Variants in RAB18 observed in about 807,000 individuals in gnomAD.
RAB18 encodes the protein RAB18, member RAS oncogene family.
In RAB18, 10 loss-of-function variants were observed where a neutral mutation model predicts 28.5. The observed-to-expected ratio is 0.35, with a 90% confidence interval of 0.22 to 0.60. The LOEUF (loss-of-function observed/expected upper bound fraction) is 0.60, where lower values mean the gene tolerates loss of function less well. Among genes scored for constraint, RAB18 ranks in the 20% least tolerant of loss-of-function variants. The pLI, the probability that RAB18 is intolerant of heterozygous loss-of-function variation, is 0.78. For synonymous variants in RAB18, 93 were observed against 86.9 expected (o/e 1.07, Z -0.39); for missense variants, 188 against 244.2 (o/e 0.77, Z 1.53).
rs56035542 is a variant in RAB18 at position 27,527,578 on chromosome 10, T to TTATATA, written c.186+697_186+702dup. ...TATCTGTCTATCTAAATATGATCGGTTATATATATATATGTATATTCTAAA... is the reference window on the plus strand; with the variant it reads ...TATCTGTCTATCTAAATATGATCGGTTATATATATATATATATATGTATATTCTAAA... On this transcript the variant is annotated intron_variant, in intron 3 of 6. Coordinates refer to ENST00000356940, the MANE Select transcript of RAB18 (RefSeq NM_021252.5). Among the ~76,000 whole-genome samples the TTATATA allele has an allele frequency of 5.4e-5, 8 of 148,956 alleles. No individual in the cohort carries two copies. The South Asian group carries it at 1.0e-3, about 19-fold the overall frequency.
rs569852030 is a variant in RAB18, at chr10:27,536,260, G to A, written c.446-1616G>A. On this transcript the variant is annotated intron_variant, in intron 6 of 6. Transcript: ENST00000356940. ...AGAATGAGACATTTTTCCGATAACC[G>A]GTGGACATGGTGGTCATTGGCATTT... 4.2e-4 allele frequency among the ~76,000 whole-genome samples: 64 copies of A among 152,260 alleles called. 1 individual carries two copies. The highest frequency in any genetic ancestry group is 1.3e-3 in the African/African-American group (55 of 41,562).
Position 27,540,561 on chromosome 10 carries a change from A to T in RAB18, c.*2510A>T, listed in dbSNP as rs1322482792. The T allele has an allele frequency of 6.6e-6, 3 of 454,006 alleles. No homozygotes were observed. Among genetic ancestry groups the T allele is most frequent in the Non-Finnish European group, 1.3e-5 (3 of 226,792 alleles). The allele number at this position is 454,006 out of a possible 1,614,324, so 28.1% of individuals were successfully genotyped here. A position where few individuals can be genotyped will look rare whatever the true frequency, so the allele number is the denominator to read the frequency against. On this transcript the variant is annotated 3_prime_UTR_variant, in exon 7 of 7. Transcript: ENST00000356940. ...ATGATGTAAACCTACCTCATAAGTC[A>T]TGTGACATAAAAGTTAAGGTAGTGG...
intron 6 of RAB18, among the ~76,000 whole-genome samples, chr10:27,536,060 C>A (rs541186964): frequency 4.9e-5 from 7 of 141,664 alleles, no homozygotes; most frequent in Non-Finnish European, 7.7e-5. Context: ...CCAGCCTGGG[C>A]GACAGAGCGA....
intron 2 of RAB18, chr10:27,510,405 G>T: frequency 5.6e-6 from 1 of 178,116 alleles, no homozygotes; most frequent in Admixed American, 5.5e-5. Context: ...CATATGTATT[G>T]ATACTAGTTA....
At chr10:27,536,015 G>A (rs955155262) in intron 6 of RAB18, among the ~76,000 whole-genome samples, 5 of 146,070 alleles carry the variant, frequency 3.4e-5, no homozygotes, top group South Asian at 2.1e-4. Context: ...CCTGGGAGGC[G>A]GAGCTTGCAG....
intron 2 of RAB18, among the ~76,000 whole-genome samples, chr10:27,523,334 C>T (rs1198472469): frequency 7.0e-5 from 4 of 57,180 alleles, no homozygotes; most frequent in African/African-American, 2.8e-4. Context: ...TTATATTTTT[C>T]ATCAAATTTG....
intron 6 of RAB18, among the ~76,000 whole-genome samples, chr10:27,537,619 T>A (rs1414893884): frequency 6.6e-6 from 1 of 152,254 alleles, no homozygotes; most frequent in Non-Finnish European, 1.5e-5. Flanking sequence ...CAAGTTACAA[T>A]TCTATCACAG....
intron 2 of RAB18, chr10:27,513,925 C>A (rs1051212194): frequency 6.6e-6 from 1 of 152,198 alleles, no homozygotes; most frequent in Non-Finnish European, 1.5e-5. Flanking sequence ...CATAAACAAG[C>A]CATTTTTGCA....
At chr10:27,521,020 G>A (rs1193856670) in intron 2 of RAB18, among the ~76,000 whole-genome samples, 3 of 150,650 alleles carry the variant, frequency 2.0e-5, no homozygotes, top group Non-Finnish European at 4.4e-5. Flanking sequence ...TTGTCTCAAG[G>A]CATTCTCTAA....
chr10:27,527,070 A>C (rs751037728), intron 3 of RAB18, 181 bp downstream of exon 3: 4 of 749,540 alleles, frequency 5.3e-6, no homozygotes, highest in African/African-American at 1.7e-5. Flanking sequence ...TTAGGCAGCT[A>C]TGTTTTGTTT....
intron 1 of RAB18, chr10:27,505,135 T>C (rs771783184): frequency 1.9e-6 from 1 of 533,010 alleles, no homozygotes; most frequent in Non-Finnish European, 3.8e-6. Context: ...TGTTGTGCTT[T>C]CATTTTTTAC....
chr10:27,509,970 T>A (rs983345715), intron 2 of RAB18, 40 bp downstream of exon 2: 1 of 1,504,700 alleles, frequency 6.6e-7, no homozygotes, highest in African/African-American at 1.4e-5. Context: ...ATGGCCAGTA[T>A]TTTCTTGCCT....
At chr10:27,526,807 C>A (rs532568804) in intron 2 of RAB18, 21 bp from the exon 3 acceptor site, 1 of 1,612,514 alleles carries the variant, frequency 6.2e-7, no homozygotes, top group Admixed American at 1.7e-5. Context: ...GGAGACTTAT[C>A]AAAATTTTCA....
intron 1 of RAB18, among the ~76,000 whole-genome samples, chr10:27,506,969 T>A (rs1451123182): frequency 3.3e-5 from 5 of 152,214 alleles, no homozygotes; most frequent in Non-Finnish European, 5.9e-5. Context: ...AGTTGTCTTA[T>A]TTGTCTAGCT....
rs776581783 is a variant in RAB18 at position 27,542,186 on chromosome 10, A to G, written c.*4135A>G. On this transcript the variant is annotated 3_prime_UTR_variant, in exon 7 of 7. Coordinates refer to ENST00000356940, the MANE Select transcript of RAB18 (RefSeq NM_021252.5). Reference sequence around the variant, plus strand: ...TCAAATTGGACCTGAATTGAGATCTATTTCTCAGCTTTCACTTATGTGAGC... The same window carrying G: ...TCAAATTGGACCTGAATTGAGATCTGTTTCTCAGCTTTCACTTATGTGAGC... 4.4e-6 allele frequency: 2 copies of G among 454,050 alleles called. No individual in the cohort carries two copies. Among genetic ancestry groups the G allele is most frequent in the African/African-American group, 2.0e-5 (1 of 50,082 alleles). The allele number at this position is 454,050 out of a possible 1,614,324, so 28.1% of individuals were successfully genotyped here.
At chr10:27,527,522 C>A (rs536526556) in intron 3 of RAB18, among the ~76,000 whole-genome samples, 10 of 152,038 alleles carry the variant, frequency 6.6e-5, no homozygotes, top group Admixed American at 4.6e-4. Context: ...TTTCATCAGT[C>A]TATTTACCCA....
chr10:27,509,097 C>T lies in RAB18; in HGVS notation c.69-778C>T, dbSNP rs150593502. 1.6e-4 allele frequency among the ~76,000 whole-genome samples: 24 copies of T among 152,154 alleles called. 1 individual carries two copies. The East Asian group carries it at 4.6e-3, about 29-fold the overall frequency. ...TACCCTTCTAATCTGGTGTCTTTTG[C>T]TTTTATCCTTTCTTTCTAGTTTCTT... On this transcript the variant is annotated intron_variant, in intron 1 of 6. Coordinates refer to ENST00000356940, the MANE Select transcript of RAB18 (RefSeq NM_021252.5).
rs1196837025 is a variant in RAB18, at chr10:27,540,929, G to A, written c.*2878G>A. The stretch of plus-strand genomic sequence containing the variant: ...AAGAATCCTTCTTACACCAGTACTT[G>A]TTCTGCCTGTGAGTTGGCACAGACT... On this transcript the variant is annotated 3_prime_UTR_variant, in exon 7 of 7. Coordinates refer to ENST00000356940, the MANE Select transcript of RAB18 (RefSeq NM_021252.5). 1 of 453,924 alleles carries A rather than the reference G, an allele frequency of 2.2e-6. No homozygotes were observed. Among genetic ancestry groups the A allele is most frequent in the Non-Finnish European group, 4.4e-6 (1 of 226,766 alleles). 28.1% of individuals were successfully genotyped at this position (453,924 alleles called of 1,614,324 possible).
intron 2 of RAB18, among the ~76,000 whole-genome samples, chr10:27,519,025 C>T (rs1220065930): frequency 6.6e-6 from 1 of 151,854 alleles, no homozygotes; most frequent in Admixed American, 6.6e-5. Flanking sequence ...GTCCTTTCTA[C>T]ACTGAATTGC....
Sources: gnomAD v4.1 joint callset for allele counts (sites outside exome capture counted in the v4.1 genomes callset) on GRCh38, gnomAD v4.1.1 for gene constraint, MANE v1.5 for transcripts, NCBI Gene and HGNC (gene_info 2026-07-23, HGNC 2026-07-21) for gene names.